TNFAIP2: variants seen among roughly 807,000 people sequenced by gnomAD.
TNFAIP2 encodes TNF alpha induced protein 2, also known as tumor necrosis factor alpha-induced protein 2.
A neutral mutation model predicts 63.5 loss-of-function variants in TNFAIP2; 47 were observed. That is an observed-to-expected ratio of 0.74 (90% CI 0.59 to 0.94). The LOEUF is 0.94. TNFAIP2 is among the 40% of genes least tolerant of loss of function. TNFAIP2 has a pLI of 0.00. For missense variants in TNFAIP2, 787 were observed against 850.2 expected, an observed-to-expected ratio of 0.93 and a Z score of 0.92; for synonymous variants, 405 against 390.2, an observed-to-expected ratio of 1.04 and a Z score of -0.45.
upstream of TNFAIP2, chr14:103,123,075 C>T (rs1171959413): frequency 7.5e-6 from 2 of 265,280 alleles, no homozygotes; most frequent in East Asian, 1.0e-4. Flanking sequence ...ACGGGCTCTC[C>T]CGCAGCTGGA....
In TNFAIP2 at chr14:103,127,238, G is replaced by A. The variant is rs2087876187; in HGVS notation, c.469G>A (p.Val157Met). ...PPERLRQALA[V>M]VAEQEREDRQ... ...CGAGCGGCTGCGCCAGGCGCTGGCC[G>A]TGGTGGCGGAGCAGGAGCGCGAGGA... The change falls in exon 3 of 12, where the codon GTG becomes ATG. Residue 157 changes from valine (V) to methionine (M), a missense_variant. Transcript: ENST00000560869. The surrounding 1 kb of genome is among the most constrained non-coding windows in gnomAD (Gnocchi z 5.1). 2.8e-6 allele frequency: 3 copies of A among 1,072,754 alleles called. No homozygotes were observed. Among genetic ancestry groups the A allele is most frequent in the Admixed American group, 5.7e-5 (1 of 17,452 alleles). 66.5% of individuals were successfully genotyped at this position (1,072,754 alleles called of 1,614,324 possible). A position where few individuals can be genotyped will look rare whatever the true frequency, so the allele number is the denominator to read the frequency against.
Position 103,133,355 on chromosome 14 carries a change from C to G in TNFAIP2, c.1546-7C>G. Reference sequence around the variant, plus strand: ...GCTCACACGCCCCTGGCTGCTTGCCCTCCCAGGAGCTCATGGAGGCCTTGC... The same window carrying G: ...GCTCACACGCCCCTGGCTGCTTGCCGTCCCAGGAGCTCATGGAGGCCTTGC... On this transcript the variant is annotated splice_region_variant and splice_polypyrimidine_tract_variant and intron_variant, in intron 9 of 11. Coordinates refer to ENST00000560869, the MANE Select transcript of TNFAIP2 (RefSeq NM_006291.4). 2 of 1,612,450 alleles carry G rather than the reference C, an allele frequency of 1.2e-6. No individual in the cohort carries two copies. Among genetic ancestry groups the G allele is most frequent in the Non-Finnish European group, 1.7e-6 (2 of 1,179,502 alleles).
intron 3 of TNFAIP2, among the ~76,000 whole-genome samples, chr14:103,129,096 A>G (rs1225274251): frequency 2.0e-5 from 3 of 152,170 alleles, no homozygotes; most frequent in Non-Finnish European, 2.9e-5. Flanking sequence ...GGCGCTGCAG[A>G]GGCGCCAGGA....
rs764875591 is a variant in TNFAIP2, at chr14:103,135,332, C to T, written c.1937C>T (p.Pro646Leu). Residue 646 changes from proline (P) to leucine (L), a missense_variant, in exon 12 of 12, where the codon CCC becomes CTC. Physicochemically the swap from Pro to Leu is moderately conservative, Grantham distance 98. This residue lies in a region of TNFAIP2 where 523 missense variants were observed against 604.1 expected (regional missense o/e 0.87). Coordinates refer to ENST00000560869, the MANE Select transcript of TNFAIP2 (RefSeq NM_006291.4). This position sits in a 1 kb window ranked among gnomAD's most constrained non-coding sequence, Gnocchi z 7.6. ...ATGGGGGCGCAGGAGCCCTCCCGGC[C>T]CCTATTTTCCCTTATAAAGGTTGGT... ...VSMGAQEPSR[P>L]LFSLIKVG 9 of 1,611,584 alleles carry T rather than the reference C, an allele frequency of 5.6e-6. No individual in the cohort carries two copies. In the African/African-American group the frequency reaches 1.2e-4, roughly 22 times the overall value.
Position 103,129,769 on chromosome 14 carries a change from G to C in TNFAIP2, c.890G>C (p.Gly297Ala), listed in dbSNP as rs1267978666. The change falls in exon 4 of 12, where the codon GGT becomes GCT. Residue 297 changes from glycine (G) to alanine (A), a missense_variant. Physicochemically the swap from Gly to Ala is moderately conservative, Grantham distance 60 (BLOSUM62 0). Coordinates refer to ENST00000560869, the MANE Select transcript of TNFAIP2 (RefSeq NM_006291.4). Reference protein sequence around the residue: ...NDIINSPKLVGELQGMGLGSL... With the variant: ...NDIINSPKLVAELQGMGLGSL... The stretch of plus-strand genomic sequence containing the variant: ...ATCATCAACAGCCCCAAGCTGGTGG[G>C]TGAGCTGCAGGGTATGGGGCTCGGG... 6.2e-7 allele frequency: 1 copy of C among 1,614,012 alleles called. No individual in the cohort carries two copies. Among genetic ancestry groups the C allele is most frequent in the South Asian group, 1.1e-5 (1 of 91,086 alleles).
chr14:103,129,703 G>A lies in TNFAIP2; in HGVS notation c.861-37G>A, dbSNP rs200836803. Reference sequence around the variant, plus strand: ...TAGCTTGAGTGGTGGTGCTGATTTGGTATAGTTGTCCTCATGCCAGCCTCC... The same window carrying A: ...TAGCTTGAGTGGTGGTGCTGATTTGATATAGTTGTCCTCATGCCAGCCTCC... On this transcript the variant is annotated intron_variant, in intron 3 of 11. Transcript: ENST00000560869. 8.0e-5 allele frequency: 127 copies of A among 1,588,878 alleles called. 2 individuals are homozygous for A. The East Asian group carries it at 2.8e-3, about 34-fold the overall frequency.
chr14:103,135,392 C>T lies in TNFAIP2; in HGVS notation c.*32C>T. 2 of 1,573,294 alleles carry T rather than the reference C, an allele frequency of 1.3e-6. No individual in the cohort carries two copies. The highest frequency in any genetic ancestry group is 8.6e-7 in the Non-Finnish European group (1 of 1,160,540). On this transcript the variant is annotated 3_prime_UTR_variant, in exon 12 of 12. Coordinates refer to ENST00000560869, the MANE Select transcript of TNFAIP2 (RefSeq NM_006291.4). This position sits in a 1 kb window ranked among gnomAD's most constrained non-coding sequence, Gnocchi z 7.6. ...CTGTGGCCTGACCTGCCTGTGAGTG[C>T]CCAGCAAGCCTTGGGCACACCCCGC...
At position 103,127,628 on chromosome 14, in the gene TNFAIP2, A is replaced by G; in HGVS notation, c.859A>G (p.Asn287Asp). The change falls in exon 3 of 12, where the codon AAT becomes GAT. Residue 287 changes from asparagine (N) to aspartate (D), a missense_variant and splice_region_variant. By Grantham distance (23) the Asn-to-Asp change is conservative (BLOSUM62 1). Around this residue, in one of 3 missense-constraint regions of TNFAIP2, gnomAD observed 523 missense variants for 604.1 expected, o/e 0.87. Coordinates refer to ENST00000560869, the MANE Select transcript of TNFAIP2 (RefSeq NM_006291.4). The surrounding 1 kb of genome is among the most constrained non-coding windows in gnomAD (Gnocchi z 5.1). ...GCTCTGGGTGCAGAACCTCTACCCC[A>G]AGTGAGCAGACCAGGGGCTGGGCCC... ...LLLWVQNLYP[N>D]DIINSPKLVG... 6.7e-7 allele frequency: 1 copy of G among 1,489,492 alleles called. No individual in the cohort carries two copies. The highest frequency in any genetic ancestry group is 8.9e-7 in the Non-Finnish European group (1 of 1,117,420). 92.3% of individuals were successfully genotyped at this position (1,489,492 alleles called of 1,614,324 possible).
In TNFAIP2 at chr14:103,135,885, G is replaced by A; in HGVS notation, c.*525G>A. ...TGGAAGAGAAAGAAGGAAAAGATGA[G>A]CTCTCGTCTGGCAGGGGCTTTTAGG... On this transcript the variant is annotated 3_prime_UTR_variant, in exon 12 of 12. Coordinates refer to ENST00000560869, the MANE Select transcript of TNFAIP2 (RefSeq NM_006291.4). The surrounding 1 kb of genome is among the most constrained non-coding windows in gnomAD (Gnocchi z 7.6). 7.8e-7 allele frequency: 1 copy of A among 1,290,132 alleles called. No individual in the cohort carries two copies. 79.9% of individuals were successfully genotyped at this position (1,290,132 alleles called of 1,614,324 possible). A position where few individuals can be genotyped will look rare whatever the true frequency, so the allele number is the denominator to read the frequency against.
In TNFAIP2 at chr14:103,126,694, T is replaced by C; in HGVS notation, c.235+2T>C. ...GGCTGGATGGCCCGCCCCCCACAGG[T>C]GCTCTAGGACCCTGGGTTAGAGCTA... is the stretch of plus-strand genomic sequence containing the variant. On this transcript the variant is annotated splice_donor_variant, in intron 2 of 11. Coordinates refer to ENST00000560869, the MANE Select transcript of TNFAIP2 (RefSeq NM_006291.4). LOFTEE classifies it high-confidence loss of function. 1 of 1,558,324 alleles carries C rather than the reference T, an allele frequency of 6.4e-7. No individual in the cohort carries two copies. The highest frequency in any genetic ancestry group is 8.7e-7 in the Non-Finnish European group (1 of 1,150,796).
chr14:103,127,030 G>A lies in TNFAIP2; in HGVS notation c.261G>A (p.Glu87=). The A allele has an allele frequency of 8.5e-7, 1 of 1,173,470 alleles. No individual in the cohort carries two copies. The highest frequency in any genetic ancestry group is 1.1e-6 in the Non-Finnish European group (1 of 948,576). The allele number at this position is 1,173,470 out of a possible 1,614,324, so 72.7% of individuals were successfully genotyped here. Residue 87 remains glutamate, a synonymous_variant, in exon 3 of 12, where the codon GAG becomes GAA. Coordinates refer to ENST00000560869, the MANE Select transcript of TNFAIP2 (RefSeq NM_006291.4). This position sits in a 1 kb window ranked among gnomAD's most constrained non-coding sequence, Gnocchi z 5.1. ...PTVEELKAAL[E]RGQLEAARPL... ...TGGAGGAGCTGAAGGCGGCGCTGGA[G>A]CGCGGGCAGCTGGAGGCGGCGCGGC...
chr14:103,131,376 C>T lies in TNFAIP2; in HGVS notation c.1298+226C>T, dbSNP rs556564474. Among the ~76,000 whole-genome samples the T allele has an allele frequency of 6.6e-6, 1 of 152,190 alleles. No individual in the cohort carries two copies. Among genetic ancestry groups the T allele is most frequent in the Non-Finnish European group, 1.5e-5 (1 of 68,036 alleles). Reference sequence around the variant, plus strand: ...TTCACCCATTATCTTATCCTTAAAGCAACCCTGTGAAGTAGGTATAGTGAT... The same window carrying T: ...TTCACCCATTATCTTATCCTTAAAGTAACCCTGTGAAGTAGGTATAGTGAT... On this transcript the variant is annotated intron_variant, in intron 7 of 11. Transcript: ENST00000560869. The surrounding 1 kb of genome is among the most constrained non-coding windows in gnomAD (Gnocchi z 4.0).
chr14:103,127,010 GAGCTGAAGGCGGCGCTGGAGCGCGGGC>G lies in TNFAIP2; in HGVS notation c.247_273del (p.Lys83_Leu91del). On this transcript the variant is annotated inframe_deletion, in exon 3 of 12. Coordinates refer to ENST00000560869, the MANE Select transcript of TNFAIP2 (RefSeq NM_006291.4). The surrounding 1 kb of genome is among the most constrained non-coding windows in gnomAD (Gnocchi z 5.1). Reference sequence around the variant, plus strand: ...ACGCGGCTTTCCCGGCGCAGTGGAGGAGCTGAAGGCGGCGCTGGAGCGCGGGCAGCTGGAGGCGGCGCGGCCGCTGCT... The same window carrying G: ...ACGCGGCTTTCCCGGCGCAGTGGAGGAGCTGGAGGCGGCGCGGCCGCTGCT... 2 of 1,201,004 alleles carry G rather than the reference GAGCTGAAGGCGGCGCTGGAGCGCGGGC, an allele frequency of 1.7e-6. No homozygotes were observed. Among genetic ancestry groups the G allele is most frequent in the South Asian group, 2.6e-5 (1 of 38,738 alleles). 74.4% of individuals were successfully genotyped at this position (1,201,004 alleles called of 1,614,324 possible). A position where few individuals can be genotyped will look rare whatever the true frequency, so the allele number is the denominator to read the frequency against.
upstream of TNFAIP2, among the ~76,000 whole-genome samples, chr14:103,122,437 AG>A (rs1366743043): frequency 6.6e-6 from 1 of 152,220 alleles, no homozygotes; most frequent in Non-Finnish European, 1.5e-5. Context: ...GTGAGGCAGG[AG>A]GGAAGCCCCT....
upstream of TNFAIP2, among the ~76,000 whole-genome samples, chr14:103,122,177 C>CTG (rs1891132802): frequency 6.6e-6 from 1 of 152,184 alleles, no homozygotes; most frequent in Non-Finnish European, 1.5e-5. Context: ...TGGCGGCCTC[C>CTG]CGCATCCGCT....
chr14:103,124,706 G>A (rs1050425147), intron 1 of TNFAIP2, among the ~76,000 whole-genome samples: 1 of 152,256 alleles, frequency 6.6e-6, no homozygotes, highest in African/African-American at 2.4e-5. Context: ...AGAGGGGCTG[G>A]GAAGCGAAGT....
At chr14:103,132,272 G>A (rs764127898) in intron 8 of TNFAIP2, among the ~76,000 whole-genome samples, 1 of 152,172 alleles carries the variant, frequency 6.6e-6, no homozygotes, top group Non-Finnish European at 1.5e-5. Context: ...GTGAAAACAA[G>A]TAGTTCCTTT....
rs1566964153 is a variant in TNFAIP2, at chr14:103,130,420, G to GT, written c.1199+6dup. 1 of 1,556,538 alleles carries GT rather than the reference G, an allele frequency of 6.4e-7. No homozygotes were observed. The highest frequency in any genetic ancestry group is 1.4e-5 in the African/African-American group (1 of 73,678). On this transcript the variant is annotated splice_donor_region_variant and intron_variant, in intron 6 of 11. Transcript: ENST00000560869. ...GCTGCCTGCGTTCCTGAGGAGGTGG[G>GT]TGTGTGCCCAGGATGGGGTCCCTGT...
Position 103,135,326 on chromosome 14 carries a change from C to G in TNFAIP2, c.1931C>G (p.Ser644Cys). ...GTCAGCATGGGGGCGCAGGAGCCCT[C>G]CCGGCCCCTATTTTCCCTTATAAAG... ...LDVSMGAQEP[S>C]RPLFSLIKVG Residue 644 changes from serine to cysteine, a missense_variant, in exon 12 of 12, where the codon TCC (serine) becomes TGC (cysteine). Physicochemically the swap from Ser to Cys is moderately radical, Grantham distance 112. Around this residue, in one of 3 missense-constraint regions of TNFAIP2, gnomAD observed 523 missense variants for 604.1 expected, o/e 0.87. Coordinates refer to ENST00000560869, the MANE Select transcript of TNFAIP2 (RefSeq NM_006291.4). This position sits in a 1 kb window ranked among gnomAD's most constrained non-coding sequence, Gnocchi z 7.6. 6.2e-7 allele frequency: 1 copy of G among 1,613,134 alleles called. No homozygotes were observed. Among genetic ancestry groups the G allele is most frequent in the Non-Finnish European group, 8.5e-7 (1 of 1,179,604 alleles).
Sources: gnomAD v4.1 joint callset for allele counts (sites outside exome capture counted in the v4.1 genomes callset) on GRCh38, gnomAD v4.1.1 for gene constraint, gnomAD v4.1.1 regional missense constraint, Gnocchi (gnomAD v3.1) non-coding constraint, MANE v1.5 for transcripts, NCBI Gene and HGNC (gene_info 2026-07-23, HGNC 2026-07-21) for gene names.